The following NHS variants were observed in gnomAD, a reference collection of about 807,000 sequenced individuals.
The protein encoded by NHS is NHS actin remodeling regulator, also known as actin remodeling regulator NHS.
NHS carries 5 observed loss-of-function variants against 72.5 expected under a neutral mutation model. That is an observed-to-expected ratio of 0.07 (90% CI 0.04 to 0.14). The LOEUF is 0.14. NHS is among the 10% of genes least tolerant of loss of function. The pLI is 1.00. For missense variants in NHS, 1,072 were observed against 1,355.7 expected, an observed-to-expected ratio of 0.79 and a Z score of 3.29; for synonymous variants, 464 against 547.7, an observed-to-expected ratio of 0.85 and a Z score of 2.13.
chrX:17,503,876 C>T (rs1453882522), intron 1 of NHS, among the ~76,000 whole-genome samples: 1 of 111,302 alleles, frequency 9.0e-6, no homozygotes, highest in African/African-American at 3.3e-5. Flanking sequence ...GTGATCCCAA[C>T]ATTGAGGAGG....
At chrX:17,724,455 G>A in intron 6 of NHS, 25 bp downstream of exon 6, 5 of 1,205,345 alleles carry the variant, frequency 4.1e-6, no homozygotes, top group Non-Finnish European at 4.5e-6. Context: ...AATGTTAATG[G>A]TTAACATTCC....
Position 17,534,096 on chromosome X carries a change from T to TTG in NHS, c.566-153621_566-153620dup, listed in dbSNP as rs59352413. Among the ~76,000 whole-genome samples, 975 of 104,799 alleles carry TTG rather than the reference T, an allele frequency of 9.3e-3. 3 individuals carry two copies. Among genetic ancestry groups the TTG allele is most frequent in the East Asian group, 0.021 (68 of 3,237 alleles). 91.0% of individuals were successfully genotyped at this position (104,799 alleles called of 115,157 possible). A position where few individuals can be genotyped will look rare whatever the true frequency, so the allele number is the denominator to read the frequency against. Reference sequence around the variant, plus strand: ...CTTCGGACTGTTGCCTGAAAGGTCATTGTGTGTGTGTGTGTGTGTGTGTGT... The same window carrying TTG: ...CTTCGGACTGTTGCCTGAAAGGTCATTGTGTGTGTGTGTGTGTGTGTGTGTGT... On this transcript the variant is annotated intron_variant, in intron 1 of 8. Coordinates refer to ENST00000676302, the MANE Select transcript of NHS (RefSeq NM_001291867.2).
intron 1 of NHS, among the ~76,000 whole-genome samples, chrX:17,406,017 C>A (rs148963251): frequency 1.2e-3 from 132 of 112,091 alleles, no homozygotes; most frequent in Non-Finnish European, 1.9e-3. Flanking sequence ...CTAGCATGGA[C>A]CAACAATTTA....
chrX:17,395,142 T>C (rs2064466852), intron 1 of NHS, among the ~76,000 whole-genome samples: 1 of 107,276 alleles, frequency 9.3e-6, no homozygotes, highest in African/African-American at 3.4e-5. Flanking sequence ...GAGGTGACAT[T>C]CTCCCTCCCA....
intron 1 of NHS, among the ~76,000 whole-genome samples, chrX:17,545,035 G>C (rs928145423): frequency 1.8e-5 from 2 of 112,445 alleles, no homozygotes; most frequent in African/African-American, 6.5e-5. Flanking sequence ...AGGACTGCTT[G>C]TAATCATGTG....
Position 17,687,788 on chromosome X carries a change from C to T in NHS, c.612C>T (p.Arg204=), listed in dbSNP as rs777799752. 23 of 1,210,251 alleles carry T rather than the reference C, an allele frequency of 1.9e-5. No homozygotes were observed. The Admixed American group carries it at 2.2e-4, about 11-fold the overall frequency. ...DIESKLSVYY[R]APWHQQRNIF... is the part of the protein sequence containing the mutation. ...AGAGTAAGCTGAGTGTGTACTACCG[C>T]GCCCCGTGGCACCAGCAGCGCAACA... The change falls in exon 2 of 9, where the codon CGC becomes CGT. Residue 204 remains arginine (R), a synonymous_variant. Coordinates refer to ENST00000676302, the MANE Select transcript of NHS (RefSeq NM_001291867.2).
At chrX:17,552,693 G>C (rs2065342757) in intron 1 of NHS, among the ~76,000 whole-genome samples, 1 of 112,202 alleles carries the variant, frequency 8.9e-6, no homozygotes, top group South Asian at 3.7e-4. Context: ...TGCCACCCCA[G>C]TATTATCCGA....
At chrX:17,450,255 C>T (rs972491011) in intron 1 of NHS, among the ~76,000 whole-genome samples, 1 of 111,510 alleles carries the variant, frequency 9.0e-6, no homozygotes, top group African/African-American at 3.3e-5. Flanking sequence ...AGGGGAGTAG[C>T]AAACTTCTAA....
At chrX:17,413,313 C>G (rs2064572190) in intron 1 of NHS, among the ~76,000 whole-genome samples, 2 of 112,139 alleles carry the variant, frequency 1.8e-5, no homozygotes. Context: ...GTAGCGTTGT[C>G]ATTGTTATCA....
At chrX:17,525,638 C>CTTTTTTTTTTTTTTTTTTT (rs1162709869) in intron 1 of NHS, among the ~76,000 whole-genome samples, 1 of 53,061 alleles carries the variant, frequency 1.9e-5, no homozygotes, top group Non-Finnish European at 3.6e-5. Context: ...TCTTTCTTTT[C>CTTTTTTTTTTTTTTTTTTT]TTTTTTTTTT....
At chrX:17,597,810 T>C (rs896726366) in intron 1 of NHS, among the ~76,000 whole-genome samples, 10 of 110,338 alleles carry the variant, frequency 9.1e-5, no homozygotes, top group African/African-American at 3.3e-4. Context: ...TACCTGATTG[T>C]GGTGGACTCT....
At chrX:17,710,031 C>T (rs1322119969) in intron 3 of NHS, among the ~76,000 whole-genome samples, 5 of 111,819 alleles carry the variant, frequency 4.5e-5, no homozygotes, top group Non-Finnish European at 7.5e-5. Flanking sequence ...CTAACAGAAA[C>T]AGTGAGTGCC....
At chrX:17,429,152 G>C (rs947113136) in intron 1 of NHS, among the ~76,000 whole-genome samples, 1 of 110,638 alleles carries the variant, frequency 9.0e-6, no homozygotes, top group Non-Finnish European at 1.9e-5. Context: ...TCCTTATTAG[G>C]GGGGAAGTTC....
At chrX:17,698,855 T>C (rs756123072) in intron 3 of NHS, among the ~76,000 whole-genome samples, 1 of 111,431 alleles carries the variant, frequency 9.0e-6, no homozygotes, top group African/African-American at 3.3e-5. Context: ...GGTTAGCTCC[T>C]TGGATACTGG....
chrX:17,487,739 G>A (rs2064973106), intron 1 of NHS, among the ~76,000 whole-genome samples: 1 of 111,747 alleles, frequency 8.9e-6, no homozygotes, highest in East Asian at 2.8e-4. Flanking sequence ...AAGCCACAAG[G>A]CTGTATCTCC....
At chrX:17,609,460 G>C (rs1040563555) in intron 1 of NHS, among the ~76,000 whole-genome samples, 1 of 111,980 alleles carries the variant, frequency 8.9e-6, no homozygotes, top group African/African-American at 3.3e-5. Context: ...TTTGAGCATA[G>C]CATTTGGGTG....
intron 1 of NHS, among the ~76,000 whole-genome samples, chrX:17,454,558 A>G (rs1163958279): frequency 8.9e-6 from 1 of 112,410 alleles, no homozygotes; most frequent in Non-Finnish European, 1.9e-5. Context: ...TGGTGAAAAG[A>G]ACTCAAGTTT....
At chrX:17,673,860 A>G (rs2066064287) in intron 1 of NHS, among the ~76,000 whole-genome samples, 1 of 112,117 alleles carries the variant, frequency 8.9e-6, no homozygotes. Flanking sequence ...TGCTGATCCT[A>G]TCCAGCCCTT....
chrX:17,568,187 G>A (rs1157984145), intron 1 of NHS, among the ~76,000 whole-genome samples: 1 of 112,002 alleles, frequency 8.9e-6, no homozygotes, highest in Non-Finnish European at 1.9e-5. Flanking sequence ...ACTTGTTGCT[G>A]GGCACATCAG....
Sources: gnomAD v4.1 joint callset for allele counts (sites outside exome capture counted in the v4.1 genomes callset) on GRCh38, gnomAD v4.1.1 for gene constraint, MANE v1.5 for transcripts, NCBI Gene and HGNC (gene_info 2026-07-23, HGNC 2026-07-21) for gene names.